The following COBL variants were observed in gnomAD, a reference collection of about 807,000 sequenced individuals.
The protein encoded by COBL is protein cordon-bleu.
Under a neutral mutation model 98.8 loss-of-function variants are expected in COBL, and 51 were observed. The ratio of observed to expected loss-of-function variants is 0.52; its 90% CI spans 0.41 to 0.65. The LOEUF (loss-of-function observed/expected upper bound fraction) is 0.65. Ranked by LOEUF, COBL falls within the 30% of genes least tolerant of loss-of-function variation. The pLI is 0.00. For synonymous variants in COBL, 634 were observed against 651.7 expected (o/e 0.97, Z 0.41); for missense variants, 1,617 against 1,617.5 (o/e 1.00, Z 0.01).
intron 1 of COBL, among the ~76,000 whole-genome samples, chr7:51,230,123 A>G (rs1794609539): frequency 6.6e-6 from 1 of 152,100 alleles, no homozygotes. Context: ...CCTGAGAAGC[A>G]AGGAGTGTGC....
At chr7:51,192,148 A>G (rs1489150081) in intron 3 of COBL, among the ~76,000 whole-genome samples, 3 of 152,224 alleles carry the variant, frequency 2.0e-5, no homozygotes, top group African/African-American at 7.2e-5. Flanking sequence ...AGTGTTCCAG[A>G]TAACAGTGAG....
At chr7:51,108,253 G>A (rs1796489587) in intron 6 of COBL, among the ~76,000 whole-genome samples, 1 of 152,190 alleles carries the variant, frequency 6.6e-6, no homozygotes, top group Non-Finnish European at 1.5e-5. Context: ...GGCTGGCTCT[G>A]CCTGTTTTGG....
intron 1 of COBL, among the ~76,000 whole-genome samples, chr7:51,252,668 A>G (rs915634685): frequency 1.3e-5 from 2 of 152,232 alleles, no homozygotes; most frequent in Admixed American, 6.5e-5. Context: ...GATTTCTCCT[A>G]GCATTATACA....
At chr7:51,285,665 C>T (rs190779701) in intron 1 of COBL, among the ~76,000 whole-genome samples, 5 of 152,244 alleles carry the variant, frequency 3.3e-5, no homozygotes, top group Non-Finnish European at 5.9e-5. Flanking sequence ...ATTGGTCAGA[C>T]GACTCAAATT....
intron 2 of COBL, among the ~76,000 whole-genome samples, chr7:51,203,016 G>C (rs1791282340): frequency 6.6e-6 from 1 of 152,022 alleles, no homozygotes; most frequent in African/African-American, 2.4e-5. Context: ...ACTCCAGCCT[G>C]GGTGACAGAG....
At chr7:51,026,206 C>T (rs1167987212) in intron 11 of COBL, among the ~76,000 whole-genome samples, 10 of 152,244 alleles carry the variant, frequency 6.6e-5, no homozygotes, top group African/African-American at 2.4e-4. Flanking sequence ...GCAATGGCTT[C>T]AGTTCTGGTT....
At chr7:51,166,239 G>C (rs1005892255) in intron 5 of COBL, among the ~76,000 whole-genome samples, 4 of 151,508 alleles carry the variant, frequency 2.6e-5, no homozygotes, top group Non-Finnish European at 5.9e-5. Flanking sequence ...AAAGAGAGAA[G>C]ATACAAATAA....
At chr7:51,102,933 G>A (rs6957736) in intron 6 of COBL, among the ~76,000 whole-genome samples, 12,762 of 152,218 alleles carry the variant, frequency 0.084, 619 homozygotes, top group Middle Eastern at 0.17. Context: ...TGCTGTTGAA[G>A]GGGTACAAAG....
chr7:51,091,217 T>C (rs1463511584), intron 6 of COBL, among the ~76,000 whole-genome samples: 1 of 152,084 alleles, frequency 6.6e-6, no homozygotes, highest in African/African-American at 2.4e-5. Flanking sequence ...TGGAAATCTA[T>C]GGCCAGAAAA....
chr7:51,143,921 C>A lies in COBL; in HGVS notation c.784-7590G>T, dbSNP rs556327311. Reference sequence around the variant, plus strand: ...TGTTTATAATGTTGCCCTCTCTAATCTTCTAAGGGACTTACCATTCATCAC... The same window carrying A: ...TGTTTATAATGTTGCCCTCTCTAATATTCTAAGGGACTTACCATTCATCAC... On this transcript the variant is annotated intron_variant, in intron 5 of 12. Coordinates refer to ENST00000265136, the MANE Select transcript of COBL (RefSeq NM_015198.5). Among the ~76,000 whole-genome samples, 40 of 152,336 alleles carry A rather than the reference C, an allele frequency of 2.6e-4. 1 individual carries two copies. In the South Asian group the frequency reaches 8.1e-3, roughly 31 times the overall value.
At chr7:51,081,278 A>T (rs1239468588) in intron 7 of COBL, among the ~76,000 whole-genome samples, 1 of 152,190 alleles carries the variant, frequency 6.6e-6, no homozygotes, top group Non-Finnish European at 1.5e-5. Context: ...GAGAGGGAGA[A>T]GGTGAATTAT....
intron 2 of COBL, among the ~76,000 whole-genome samples, chr7:51,208,243 C>T (rs894673804): frequency 5.3e-5 from 8 of 151,866 alleles, no homozygotes; most frequent in Non-Finnish European, 8.8e-5. Context: ...GCAGCCGCCC[C>T]GTCTGAGAAG....
intron 1 of COBL, among the ~76,000 whole-genome samples, chr7:51,231,026 C>T (rs1204156048): frequency 6.6e-6 from 1 of 152,186 alleles, no homozygotes; most frequent in Non-Finnish European, 1.5e-5. Flanking sequence ...TTAACACTGC[C>T]TGGGTTCAAA....
At chr7:51,303,300 C>A (rs1001418395) in intron 1 of COBL, among the ~76,000 whole-genome samples, 218 of 152,180 alleles carry the variant, frequency 1.4e-3, no homozygotes, top group Non-Finnish European at 2.1e-4. Flanking sequence ...GTGGCTCACA[C>A]CTGTAATCCC....
At chr7:51,112,418 T>C (rs1435856570) in intron 6 of COBL, among the ~76,000 whole-genome samples, 1 of 152,170 alleles carries the variant, frequency 6.6e-6, no homozygotes, top group Non-Finnish European at 1.5e-5. Context: ...AAAAACTACT[T>C]ATTAACACAA....
chr7:51,303,279 G>A (rs1045046500), intron 1 of COBL, among the ~76,000 whole-genome samples: 13 of 152,092 alleles, frequency 8.5e-5, no homozygotes, highest in African/African-American at 3.1e-4. Context: ...AACAATCCCG[G>A]GCCGGGCGTG....
intron 1 of COBL, among the ~76,000 whole-genome samples, chr7:51,296,334 C>T (rs1801415246): frequency 6.6e-6 from 1 of 151,940 alleles, no homozygotes; most frequent in Non-Finnish European, 1.5e-5. Context: ...ATATGTAGGA[C>T]AATATGACAA....
chr7:51,119,841 T>C (rs1182032902), intron 6 of COBL, among the ~76,000 whole-genome samples: 2 of 152,164 alleles, frequency 1.3e-5, no homozygotes, highest in African/African-American at 4.8e-5. Context: ...CTTAGTTAAG[T>C]AGATAGGTAA....
chr7:51,157,471 C>T (rs541598771), intron 5 of COBL, among the ~76,000 whole-genome samples: 1 of 152,330 alleles, frequency 6.6e-6, no homozygotes, highest in East Asian at 1.9e-4. Flanking sequence ...AGGGGGTTGG[C>T]CTGGCTCCTC....
Sources: allele counts gnomAD v4.1 joint callset (sites outside exome capture counted in the v4.1 genomes callset), GRCh38; gene constraint gnomAD v4.1.1; transcripts MANE v1.5; gene names NCBI Gene and HGNC (gene_info 2026-07-23, HGNC 2026-07-21).